PIP4K2A: variants seen among roughly 807,000 people sequenced by gnomAD.
The protein encoded by PIP4K2A is phosphatidylinositol 5-phosphate 4-kinase type-2 alpha.
In PIP4K2A, 14 loss-of-function variants were observed where a neutral mutation model predicts 42.9. The ratio of observed to expected loss-of-function variants is 0.33; its 90% CI spans 0.22 to 0.51. PIP4K2A has a LOEUF of 0.51. Among genes scored for constraint, PIP4K2A ranks in the 20% least tolerant of loss-of-function variants. PIP4K2A has a pLI of 0.97. For missense variants in PIP4K2A, 434 were observed against 519.8 expected (o/e 0.83, Z 1.61); for synonymous variants, 192 against 192.2 (o/e 1.00, Z 0.01).
intron 1 of PIP4K2A, among the ~76,000 whole-genome samples, chr10:22,681,800 T>C (rs1839667296): frequency 7.0e-6 from 1 of 143,560 alleles, no homozygotes; most frequent in Non-Finnish European, 1.5e-5. Flanking sequence ...TAACTTTCCC[T>C]GCAAGGGTTA....
chr10:22,654,181 T>C lies in PIP4K2A; in HGVS notation c.145-44464A>G, dbSNP rs750441806. 2.0e-4 allele frequency among the ~76,000 whole-genome samples: 30 copies of C among 152,300 alleles called. No homozygotes were observed. In the Middle Eastern group the frequency reaches 0.01, roughly 52 times the overall value. ...CAACTTAATTTTGAAAAACACATGT[T>C]TCCGTAAATTTTTCAGGAAAATTTA... is the stretch of plus-strand genomic sequence containing the variant. On this transcript the variant is annotated intron_variant, in intron 1 of 9. Transcript: ENST00000376573.
At chr10:22,547,000 CCT>C (rs1197362618) in intron 7 of PIP4K2A, among the ~76,000 whole-genome samples, 3 of 152,206 alleles carry the variant, frequency 2.0e-5, no homozygotes, top group African/African-American at 7.2e-5. Flanking sequence ...CTCACATCTG[CCT>C]CTTTTTCCCT....
intron 5 of PIP4K2A, chr10:22,568,883 C>T (rs950044124): frequency 1.5e-6 from 1 of 649,768 alleles, no homozygotes; most frequent in African/African-American, 1.8e-5. Flanking sequence ...TCCTGGGCTC[C>T]CTTCCCCTCC....
chr10:22,624,144 C>G (rs1379817741), intron 1 of PIP4K2A, among the ~76,000 whole-genome samples: 1 of 152,150 alleles, frequency 6.6e-6, no homozygotes, highest in Non-Finnish European at 1.5e-5. Context: ...TAACATTGGG[C>G]AGTACTACAC....
chr10:22,671,478 G>A (rs12260163), intron 1 of PIP4K2A, among the ~76,000 whole-genome samples: 3 of 152,058 alleles, frequency 2.0e-5, no homozygotes, highest in East Asian at 3.9e-4. Flanking sequence ...AGGGTAGGTC[G>A]CTGGAAGGTG....
chr10:22,549,902 CTTTTTTCCT>C (rs1329584800), intron 7 of PIP4K2A, among the ~76,000 whole-genome samples: 267 of 146,848 alleles, frequency 1.8e-3, no homozygotes, highest in Admixed American at 0.014. Context: ...CCTTTTTTTC[CTTTTTTCCT>C]GGATTTATAA....
chr10:22,540,848 C>A (rs1360905686), intron 8 of PIP4K2A, among the ~76,000 whole-genome samples: 2 of 152,202 alleles, frequency 1.3e-5, no homozygotes, highest in Non-Finnish European at 2.9e-5. Flanking sequence ...AACCACTGCG[C>A]CCGGCCCGTG....
chr10:22,542,073 T>C, intron 7 of PIP4K2A, 26 bp from the exon 8 acceptor site: 2 of 1,579,576 alleles, frequency 1.3e-6, no homozygotes, highest in Non-Finnish European at 1.7e-6. Context: ...ACAGGGTGAG[T>C]CAGCCACACC....
At chr10:22,667,271 TTTAAA>T (rs1245752232) in intron 1 of PIP4K2A, among the ~76,000 whole-genome samples, 2 of 152,248 alleles carry the variant, frequency 1.3e-5, no homozygotes, top group Non-Finnish European at 2.9e-5. Context: ...ACAAACTAGC[TTTAAA>T]TTAATTTAGT....
At chr10:22,709,197 C>G (rs892787462) in intron 1 of PIP4K2A, among the ~76,000 whole-genome samples, 1 of 151,946 alleles carries the variant, frequency 6.6e-6, no homozygotes, top group African/African-American at 2.4e-5. Context: ...ACCATCCAAA[C>G]TGCATTTGAA....
rs1384285827 is a variant in PIP4K2A at position 22,535,947 on chromosome 10, A to AAAC, written c.*1251_*1253dup. On this transcript the variant is annotated 3_prime_UTR_variant, in exon 10 of 10. Coordinates refer to ENST00000376573, the MANE Select transcript of PIP4K2A (RefSeq NM_005028.5). ...GACTGTCTACCATGTACTTTGACTAAAACACTCACGTAAAAACATGGCTGC... is the reference window on the plus strand; with the variant it reads ...GACTGTCTACCATGTACTTTGACTAAAACAACACTCACGTAAAAACATGGCTGC... 2.5e-6 allele frequency: 1 copy of AAAC among 394,458 alleles called. No individual in the cohort carries two copies. The highest frequency in any genetic ancestry group is 4.4e-5 in the Admixed American group (1 of 22,630). 24.4% of individuals were successfully genotyped at this position (394,458 alleles called of 1,614,324 possible).
At chr10:22,635,339 T>C (rs1838639112) in intron 1 of PIP4K2A, among the ~76,000 whole-genome samples, 1 of 152,214 alleles carries the variant, frequency 6.6e-6, no homozygotes, top group South Asian at 2.1e-4. Context: ...AGGCTGAATG[T>C]GTGTGTCTGG....
intron 5 of PIP4K2A, chr10:22,568,991 GC>G: frequency 6.6e-7 from 1 of 1,521,226 alleles, no homozygotes. Flanking sequence ...ACTTGAGTTA[GC>G]CATTCATTAA....
intron 1 of PIP4K2A, among the ~76,000 whole-genome samples, chr10:22,655,810 T>C (rs1471470542): frequency 1.3e-5 from 2 of 152,228 alleles, no homozygotes; most frequent in African/African-American, 4.8e-5. Flanking sequence ...CCTGGCTTTT[T>C]ACCAAATCTG....
intron 4 of PIP4K2A, among the ~76,000 whole-genome samples, chr10:22,591,086 ACTTTACCTCC>A (rs1837499530): frequency 1.3e-5 from 2 of 152,222 alleles, no homozygotes. Context: ...AGGATGGTCT[ACTTTACCTCC>A]AGTGATTACA....
chr10:22,700,838 AAT>A (rs1194389710), intron 1 of PIP4K2A, among the ~76,000 whole-genome samples: 1 of 152,250 alleles, frequency 6.6e-6, no homozygotes, highest in Non-Finnish European at 1.5e-5. Context: ...GCAACTTGCA[AAT>A]ATGTTTCTAA....
chr10:22,539,109 T>A (rs1836016495), intron 9 of PIP4K2A, among the ~76,000 whole-genome samples: 1 of 152,110 alleles, frequency 6.6e-6, no homozygotes, highest in South Asian at 2.1e-4. Flanking sequence ...AATACAAGCC[T>A]GAAACTTGGC....
chr10:22,598,938 T>C (rs1342673023), intron 3 of PIP4K2A, among the ~76,000 whole-genome samples: 5 of 152,202 alleles, frequency 3.3e-5, no homozygotes, highest in Non-Finnish European at 7.4e-5. Context: ...ATACATTTGA[T>C]AGTTTCATAT....
intron 7 of PIP4K2A, among the ~76,000 whole-genome samples, chr10:22,545,999 C>T (rs1471842911): frequency 6.6e-6 from 1 of 152,144 alleles, no homozygotes; most frequent in Non-Finnish European, 1.5e-5. Context: ...GATTTCAAGT[C>T]TCTGAGACTG....
Sources: gnomAD v4.1 joint callset for allele counts (sites outside exome capture counted in the v4.1 genomes callset) on GRCh38, gnomAD v4.1.1 for gene constraint, MANE v1.5 for transcripts, NCBI Gene and HGNC (gene_info 2026-07-23, HGNC 2026-07-21) for gene names.